PRKCE: variants seen among roughly 807,000 people sequenced by gnomAD.
PRKCE encodes protein kinase C epsilon type.
Under a neutral mutation model 85.4 loss-of-function variants are expected in PRKCE, and 16 were observed. The ratio of observed to expected loss-of-function variants is 0.19; its 90% CI spans 0.13 to 0.28. The LOEUF (loss-of-function observed/expected upper bound fraction) is 0.28, where lower values mean the gene tolerates loss of function less well. PRKCE is among the 10% of genes least tolerant of loss of function. PRKCE has a pLI of 1.00. For missense variants in PRKCE, 573 were observed against 975.2 expected, an observed-to-expected ratio of 0.59 and a Z score of 5.49; for synonymous variants, 388 against 371.5, an observed-to-expected ratio of 1.04 and a Z score of -0.51.
chr2:45,658,963 A>G (rs905511950), intron 1 of PRKCE, among the ~76,000 whole-genome samples: 1 of 152,224 alleles, frequency 6.6e-6, no homozygotes, highest in Non-Finnish European at 1.5e-5. Context: ...TTGAAGAGGT[A>G]TGGGTAATTG....
chr2:46,051,391 C>A (rs1385394573), intron 10 of PRKCE, among the ~76,000 whole-genome samples: 3 of 152,098 alleles, frequency 2.0e-5, no homozygotes, highest in Non-Finnish European at 4.4e-5. Flanking sequence ...GTGGGTAGGG[C>A]AAATGTGATT....
intron 1 of PRKCE, among the ~76,000 whole-genome samples, chr2:45,791,165 A>T (rs1275107923): frequency 6.6e-6 from 1 of 152,160 alleles, no homozygotes; most frequent in East Asian, 1.9e-4. Flanking sequence ...GGGACTAGGG[A>T]TAGTTTCTGT....
At chr2:45,915,665 T>C (rs989247849) in intron 2 of PRKCE, among the ~76,000 whole-genome samples, 1 of 152,208 alleles carries the variant, frequency 6.6e-6, no homozygotes, top group Non-Finnish European at 1.5e-5. Context: ...CTTTTTCTCA[T>C]TTGCCTTTAG....
In PRKCE at chr2:46,176,456, C is replaced by G. The variant is rs531883105; in HGVS notation, c.2068-8279C>G. 1.3e-5 allele frequency among the ~76,000 whole-genome samples: 2 copies of G among 152,062 alleles called. 1 individual carries two copies. Among genetic ancestry groups the G allele is most frequent in the Admixed American group, 1.3e-4 (2 of 15,260 alleles). On this transcript the variant is annotated intron_variant, in intron 14 of 14. Coordinates refer to ENST00000306156, the MANE Select transcript of PRKCE (RefSeq NM_005400.3). ...ACCAAGTGATAGGAGAAAGGCAAAC[C>G]GTCTCCCAGTATTCAGAAACTGGGA...
chr2:45,695,280 G>A (rs938104316), intron 1 of PRKCE, among the ~76,000 whole-genome samples: 4 of 152,042 alleles, frequency 2.6e-5, no homozygotes, highest in Non-Finnish European at 5.9e-5. Context: ...CTGTTCCCGC[G>A]ATGATTTTAA....
chr2:45,728,565 G>A (rs1204606331), intron 1 of PRKCE, among the ~76,000 whole-genome samples: 3 of 152,110 alleles, frequency 2.0e-5, no homozygotes, highest in Non-Finnish European at 4.4e-5. Context: ...CCCACGTGCC[G>A]CTGGAATCTT....
chr2:46,094,948 G>A (rs763858836), intron 11 of PRKCE, among the ~76,000 whole-genome samples: 1 of 152,120 alleles, frequency 6.6e-6, no homozygotes, highest in Non-Finnish European at 1.5e-5. Context: ...CCAGAAGTGT[G>A]TTAAAGCTTT....
Position 46,184,668 on chromosome 2 carries a change from CTCCCCA to C in PRKCE, c.2068-65_2068-60del. The C allele has an allele frequency of 6.4e-7, 1 of 1,569,356 alleles. No homozygotes were observed. The highest frequency in any genetic ancestry group is 1.3e-5 in the African/African-American group (1 of 74,352). On this transcript the variant is annotated intron_variant, in intron 14 of 14. Transcript: ENST00000306156. The surrounding 1 kb of genome is among the most constrained non-coding windows in gnomAD (Gnocchi z 5.0). The stretch of plus-strand genomic sequence containing the variant: ...GACAGGCTGGTCAGTGCGGTGCCCA[CTCCCCA>C]TGGGGGGCCCTCAGGAGGGAGAGCA...
chr2:46,001,394 C>G lies in PRKCE; in HGVS notation c.824-10C>G, dbSNP rs748711606. ...ACACTTATCTGTCTTTTCTCCATGTCTCCTTACAGTCTGCAAAATGAATGT... is the reference window on the plus strand; with the variant it reads ...ACACTTATCTGTCTTTTCTCCATGTGTCCTTACAGTCTGCAAAATGAATGT... On this transcript the variant is annotated splice_polypyrimidine_tract_variant and intron_variant, in intron 6 of 14. Coordinates refer to ENST00000306156, the MANE Select transcript of PRKCE (RefSeq NM_005400.3). The surrounding 1 kb of genome is among the most constrained non-coding windows in gnomAD (Gnocchi z 4.4). 1 of 1,596,562 alleles carries G rather than the reference C, an allele frequency of 6.3e-7. No homozygotes were observed. Among genetic ancestry groups the G allele is most frequent in the East Asian group, 2.2e-5 (1 of 44,778 alleles).
intron 10 of PRKCE, among the ~76,000 whole-genome samples, chr2:46,049,769 C>A (rs1400637148): frequency 6.6e-6 from 1 of 152,204 alleles, no homozygotes; most frequent in Admixed American, 6.5e-5. Context: ...TCCTTCTGCC[C>A]AGTTCCTTGT....
At chr2:46,181,312 G>A (rs1679955985) in intron 14 of PRKCE, among the ~76,000 whole-genome samples, 1 of 152,148 alleles carries the variant, frequency 6.6e-6, no homozygotes. Context: ...CACATAGTGG[G>A]GATGGTTATT....
At chr2:45,910,272 T>G (rs1175781703) in intron 2 of PRKCE, among the ~76,000 whole-genome samples, 2 of 152,196 alleles carry the variant, frequency 1.3e-5, no homozygotes, top group East Asian at 1.9e-4. Flanking sequence ...CTGGTTGTTC[T>G]TGAGTCCCAG....
intron 1 of PRKCE, among the ~76,000 whole-genome samples, chr2:45,838,781 A>G (rs1691108044): frequency 6.6e-6 from 1 of 152,000 alleles, no homozygotes; most frequent in Non-Finnish European, 1.5e-5. Flanking sequence ...CCTGACCTTT[A>G]GCTCTTTATT....
intron 2 of PRKCE, among the ~76,000 whole-genome samples, chr2:45,932,946 A>C (rs1699151142): frequency 6.6e-6 from 1 of 152,220 alleles, no homozygotes; most frequent in African/African-American, 2.4e-5. Flanking sequence ...ATGTTGTAGC[A>C]AGTGTTAGAA....
chr2:45,807,712 T>C (rs1688349141), intron 1 of PRKCE, among the ~76,000 whole-genome samples: 2 of 152,126 alleles, frequency 1.3e-5, no homozygotes. Flanking sequence ...CAGCCTCACC[T>C]GGAAACTTGT....
rs75738324 is a variant in PRKCE at position 46,057,293 on chromosome 2, A to T, written c.1438-28915A>T. Among the ~76,000 whole-genome samples the T allele has an allele frequency of 3.0e-3, 456 of 152,302 alleles. 3 individuals carry two copies. Among genetic ancestry groups the T allele is most frequent in the African/African-American group, 0.01 (420 of 41,570 alleles). The stretch of plus-strand genomic sequence containing the variant: ...TGTCAAGGGGCGTGTGGAATGGGAA[A>T]CATTCCTGTAACGATCTTGAGAAAA... On this transcript the variant is annotated intron_variant, in intron 10 of 14. Coordinates refer to ENST00000306156, the MANE Select transcript of PRKCE (RefSeq NM_005400.3).
chr2:46,064,784 T>A (rs1464467267), intron 10 of PRKCE, among the ~76,000 whole-genome samples: 1 of 152,216 alleles, frequency 6.6e-6, no homozygotes, highest in Non-Finnish European at 1.5e-5. Context: ...TCTCTTGGGC[T>A]CTTTCTGGGG....
chr2:45,901,148 C>A (rs1696550116), intron 2 of PRKCE, among the ~76,000 whole-genome samples: 1 of 152,156 alleles, frequency 6.6e-6, no homozygotes, highest in Admixed American at 6.5e-5. Flanking sequence ...TGTTTGGAAT[C>A]CATTTTACTG....
In PRKCE at chr2:45,867,938, G is replaced by A. The variant is rs186038341; in HGVS notation, c.412+24875G>A. Among the ~76,000 whole-genome samples the A allele has an allele frequency of 3.2e-4, 48 of 152,234 alleles. No individual in the cohort carries two copies. The East Asian group carries it at 8.1e-3, about 26-fold the overall frequency. Reference sequence around the variant, plus strand: ...GTCACTTGTTTTGGGGCTCCTGAACGTCTCACTAGTTGGCCACAGGAAGTC... The same window carrying A: ...GTCACTTGTTTTGGGGCTCCTGAACATCTCACTAGTTGGCCACAGGAAGTC... On this transcript the variant is annotated intron_variant, in intron 2 of 14. Coordinates refer to ENST00000306156, the MANE Select transcript of PRKCE (RefSeq NM_005400.3).
Sources: allele counts gnomAD v4.1 joint callset (sites outside exome capture counted in the v4.1 genomes callset), GRCh38; gene constraint gnomAD v4.1.1; non-coding constraint Gnocchi (gnomAD v3.1); transcripts MANE v1.5; gene names NCBI Gene and HGNC (gene_info 2026-07-23, HGNC 2026-07-21).